Variants in LUZP2 observed in about 807,000 individuals in gnomAD.
The protein encoded by LUZP2 is leucine zipper protein 2.
Under a neutral mutation model 51.6 loss-of-function variants are expected in LUZP2, and 52 were observed. The ratio of observed to expected loss-of-function variants is 1.01; its 90% CI spans 0.81 to 1.27. LUZP2 has a LOEUF of 1.27. LUZP2 is among the 50% of genes most tolerant of loss of function. The pLI, the probability that LUZP2 is intolerant of heterozygous loss-of-function variation, is 0.00. For missense variants in LUZP2, 436 were observed against 395.4 expected, an observed-to-expected ratio of 1.10 and a Z score of -0.87; for synonymous variants, 154 against 137.3, an observed-to-expected ratio of 1.12 and a Z score of -0.85.
intron 1 of LUZP2, among the ~76,000 whole-genome samples, chr11:24,661,921 G>A (rs1392050086): frequency 6.6e-6 from 1 of 152,042 alleles, no homozygotes; most frequent in African/African-American, 2.4e-5. Context: ...AGGGGAGGCA[G>A]CCTATTTCTC....
At chr11:24,726,876 A>G (rs191598256) in intron 1 of LUZP2, among the ~76,000 whole-genome samples, 308 of 152,152 alleles carry the variant, frequency 2.0e-3, no homozygotes, top group African/African-American at 7.1e-3. Flanking sequence ...ATCCAATAAA[A>G]TGTTAGCCAA....
rs549611385 is a variant in LUZP2 at position 24,717,892 on chromosome 11, G to A, written c.63-11277G>A. 1.6e-3 allele frequency among the ~76,000 whole-genome samples: 221 copies of A among 141,750 alleles called. 1 individual carries two copies. Among genetic ancestry groups the A allele is most frequent in the African/African-American group, 5.6e-3 (213 of 38,360 alleles). 93.0% of individuals were successfully genotyped at this position (141,750 alleles called of 152,430 possible). On this transcript the variant is annotated intron_variant, in intron 1 of 11. Coordinates refer to ENST00000336930, the MANE Select transcript of LUZP2 (RefSeq NM_001009909.4). ...TGTGTTAGTTTGCTAATAGCCTCCA[G>A]CTCCATCCAAGTTCCCATAAAAGAT...
chr11:25,062,149 G>C (rs1858858771), intron 10 of LUZP2, among the ~76,000 whole-genome samples: 1 of 151,082 alleles, frequency 6.6e-6, no homozygotes, highest in Non-Finnish European at 1.5e-5. Context: ...GAAAGGAAGG[G>C]AAAAAGGGAA....
chr11:24,966,269 TCTTCTTATTGTTGAG>T, intron 7 of LUZP2, among the ~76,000 whole-genome samples: 3 of 151,772 alleles, frequency 2.0e-5, no homozygotes, highest in Middle Eastern at 3.4e-3. Context: ...TTAATGGTTG[TCTTCTTATTGTTGAG>T]CTGTAAGTTT....
At chr11:24,526,382 T>A (rs1850805786) in intron 1 of LUZP2, among the ~76,000 whole-genome samples, 1 of 151,288 alleles carries the variant, frequency 6.6e-6, no homozygotes, top group African/African-American at 2.4e-5. Context: ...AATGTTATGA[T>A]TTTGGCACAG....
intron 1 of LUZP2, among the ~76,000 whole-genome samples, chr11:24,697,808 T>C (rs1275187248): frequency 2.0e-5 from 3 of 152,304 alleles, no homozygotes; most frequent in South Asian, 2.1e-4. Flanking sequence ...CTCCTACAGA[T>C]AACATCACCA....
intron 9 of LUZP2, among the ~76,000 whole-genome samples, chr11:25,020,673 C>G (rs1045478114): frequency 2.0e-5 from 3 of 152,028 alleles, no homozygotes; most frequent in East Asian, 1.9e-4. Context: ...TCCTGCTACT[C>G]TAGCACAAAA....
intron 5 of LUZP2, among the ~76,000 whole-genome samples, chr11:24,764,910 A>G (rs140880919): frequency 0.012 from 1,807 of 152,338 alleles, 20 homozygotes; most frequent in Non-Finnish European, 0.018. Context: ...TTTTATAGTG[A>G]AATTGCACTT....
At chr11:24,641,846 A>C (rs1164915124) in intron 1 of LUZP2, among the ~76,000 whole-genome samples, 6 of 151,954 alleles carry the variant, frequency 3.9e-5, no homozygotes, top group African/African-American at 1.5e-4. Flanking sequence ...AAAATGTCAA[A>C]ATCAAATAGT....
At chr11:24,937,361 C>G (rs1010762791) in intron 7 of LUZP2, among the ~76,000 whole-genome samples, 3 of 152,074 alleles carry the variant, frequency 2.0e-5, no homozygotes, top group Non-Finnish European at 4.4e-5. Flanking sequence ...AGTAAAGTCA[C>G]TTTACTTGTT....
chr11:24,900,744 C>T (rs1853253279), intron 5 of LUZP2, among the ~76,000 whole-genome samples: 1 of 151,836 alleles, frequency 6.6e-6, no homozygotes, highest in Non-Finnish European at 1.5e-5. Flanking sequence ...TGTTTTTGTA[C>T]CTCACTTTCA....
intron 5 of LUZP2, among the ~76,000 whole-genome samples, chr11:24,852,586 T>C (rs1851430724): frequency 6.7e-6 from 1 of 149,774 alleles, no homozygotes; most frequent in African/African-American, 2.5e-5. Context: ...TTCTGTTGAG[T>C]TGGGGTGGAG....
intron 1 of LUZP2, among the ~76,000 whole-genome samples, chr11:24,586,383 C>T (rs1245788469): frequency 1.3e-5 from 2 of 151,788 alleles, no homozygotes; most frequent in Non-Finnish European, 2.9e-5. Context: ...AGAAAATTCA[C>T]ATACATATTT....
rs150860941 is a variant in LUZP2 at position 24,932,289 on chromosome 11, G to A, written c.522+17751G>A. 1.7e-4 allele frequency among the ~76,000 whole-genome samples: 26 copies of A among 152,278 alleles called. No individual in the cohort carries two copies. The East Asian group carries it at 3.7e-3, about 22-fold the overall frequency. On this transcript the variant is annotated intron_variant, in intron 7 of 11. Coordinates refer to ENST00000336930, the MANE Select transcript of LUZP2 (RefSeq NM_001009909.4). ...ATCATCAGCTGCAGTAGTACATGGA[G>A]GATACAAGCTTGCTGTAGGGTCTCC... is the stretch of plus-strand genomic sequence containing the variant.
chr11:24,593,438 T>C (rs1186396125), intron 1 of LUZP2, among the ~76,000 whole-genome samples: 2 of 152,158 alleles, frequency 1.3e-5, no homozygotes, highest in Non-Finnish European at 2.9e-5. Flanking sequence ...CTGAAGGCTG[T>C]TCAAGAGAGC....
intron 9 of LUZP2, among the ~76,000 whole-genome samples, chr11:25,042,061 G>A (rs1433496549): frequency 6.6e-6 from 1 of 152,116 alleles, no homozygotes; most frequent in African/African-American, 2.4e-5. Flanking sequence ...GGTGCCAAGT[G>A]GTTGGGGACC....
At chr11:24,602,817 T>C (rs573392077) in intron 1 of LUZP2, among the ~76,000 whole-genome samples, 2 of 151,924 alleles carry the variant, frequency 1.3e-5, no homozygotes, top group African/African-American at 2.4e-5. Flanking sequence ...TCCCATTTGA[T>C]AACTTTTTTC....
intron 9 of LUZP2, among the ~76,000 whole-genome samples, chr11:25,016,820 A>G (rs1590839273): frequency 6.6e-6 from 1 of 151,972 alleles, no homozygotes; most frequent in Non-Finnish European, 1.5e-5. Flanking sequence ...CGAATGGTAG[A>G]TCTACTTTTA....
intron 9 of LUZP2, among the ~76,000 whole-genome samples, chr11:25,015,653 G>A (rs927479165): frequency 3.9e-5 from 6 of 152,114 alleles, no homozygotes; most frequent in Non-Finnish European, 7.4e-5. Flanking sequence ...TAAATAACAC[G>A]ACAGAGGTGT....
Sources: gnomAD v4.1 joint callset for allele counts (sites outside exome capture counted in the v4.1 genomes callset) on GRCh38, gnomAD v4.1.1 for gene constraint, MANE v1.5 for transcripts, NCBI Gene and HGNC (gene_info 2026-07-23, HGNC 2026-07-21) for gene names.